Variants in SYNRG observed in about 807,000 individuals in gnomAD.
The protein encoded by SYNRG is synergin gamma.
In SYNRG, 37 loss-of-function variants were observed where a neutral mutation model predicts 130.9. The ratio of observed to expected loss-of-function variants is 0.28; its 90% CI spans 0.22 to 0.37. SYNRG has a LOEUF of 0.37. SYNRG is among the 10% of genes least tolerant of loss of function. The pLI is 1.00. For synonymous variants in SYNRG, 539 were observed against 568.1 expected (o/e 0.95, Z 0.73); for missense variants, 1,338 against 1,588.9 (o/e 0.84, Z 2.68).
At chr17:37,579,405 T>C in intron 6 of SYNRG, 1 of 1,304,202 alleles carries the variant, frequency 7.7e-7, no homozygotes, top group Non-Finnish European at 1.0e-6. Context: ...GGGGAGACAG[T>C]TTTAGTAGAA....
At chr17:37,527,115 G>C (rs948313550) in intron 19 of SYNRG, among the ~76,000 whole-genome samples, 1 of 152,198 alleles carries the variant, frequency 6.6e-6, no homozygotes, top group Non-Finnish European at 1.5e-5. Context: ...CACATTGAAA[G>C]GAAGTAGTAA....
At chr17:37,540,745 C>T in intron 15 of SYNRG, 5 of 732,462 alleles carry the variant, frequency 6.8e-6, no homozygotes, top group Non-Finnish European at 9.9e-6. Context: ...AGCAATTCTC[C>T]TGCCTCAGCC....
chr17:37,588,741 C>A (rs1202474005), intron 3 of SYNRG, among the ~76,000 whole-genome samples: 1 of 144,136 alleles, frequency 6.9e-6, no homozygotes, highest in Non-Finnish European at 1.5e-5. Flanking sequence ...TAGAATTATT[C>A]TTTTTTTTTT....
Position 37,542,560 on chromosome 17 carries a change from C to T in SYNRG, c.2614G>A (p.Glu872Lys). The T allele has an allele frequency of 1.2e-6, 2 of 1,607,162 alleles. No homozygotes were observed. The highest frequency in any genetic ancestry group is 1.7e-6 in the Non-Finnish European group (2 of 1,177,442). ...CCAAAAGCAGCATATTTTAAGTCCT[C>T]TATATCTGAAAGGGAAATAAGACCC... ...SGQHPPAADI[E>K]DLKYAAFGSY... is the part of the protein sequence containing the mutation. The change falls in exon 15 of 22, where the codon GAG (glutamate) becomes AAG (lysine). Residue 872 changes from glutamate to lysine, a missense_variant. By Grantham distance (56) the Glu-to-Lys change is moderately conservative. Coordinates refer to ENST00000612223, the MANE Select transcript of SYNRG (RefSeq NM_007247.6).
At position 37,517,922 on chromosome 17, in the gene SYNRG, C is replaced by T. The variant is rs549071719; in HGVS notation, c.*1018G>A. On this transcript the variant is annotated 3_prime_UTR_variant, in exon 22 of 22. Transcript: ENST00000612223. ...AGCCTTTTCTATCTAAAATTCAGTA[C>T]TGTTTCTGGACAATTTTCTTCTACT... The T allele has an allele frequency of 6.6e-6, 1 of 152,332 alleles. No homozygotes were observed. The highest frequency in any genetic ancestry group is 6.5e-5 in the Admixed American group (1 of 15,306). The allele number at this position is 152,332 out of a possible 1,614,324, so 9.4% of individuals were successfully genotyped here.
Position 37,536,005 on chromosome 17 carries a change from C to A in SYNRG, c.3640G>T (p.Gly1214Cys), listed in dbSNP as rs750538973. ...GTGAGTGTGGCGAGTGACATGAAGCCGATTAGGTTATTCCATACTTTATCG... is the reference window on the plus strand; with the variant it reads ...GTGAGTGTGGCGAGTGACATGAAGCAGATTAGGTTATTCCATACTTTATCG... ...DIDKVWNNLI[G>C]FMSLATLTPD... Residue 1214 changes from glycine (G) to cysteine (C), a missense_variant, in exon 19 of 22, where the codon GGC (glycine) becomes TGC (cysteine). Gly to Cys is a radical substitution (Grantham distance 159). Coordinates refer to ENST00000612223, the MANE Select transcript of SYNRG (RefSeq NM_007247.6). The A allele has an allele frequency of 6.2e-7, 1 of 1,613,910 alleles. No individual in the cohort carries two copies. The highest frequency in any genetic ancestry group is 8.5e-7 in the Non-Finnish European group (1 of 1,179,950).
At chr17:37,607,599 G>A (rs2063862294) in intron 1 of SYNRG, among the ~76,000 whole-genome samples, 1 of 152,152 alleles carries the variant, frequency 6.6e-6, no homozygotes, top group African/African-American at 2.4e-5. Flanking sequence ...GACCAGCCTG[G>A]CTAACATGGT....
chr17:37,593,528 G>A (rs2062396540), intron 3 of SYNRG, among the ~76,000 whole-genome samples: 1 of 152,114 alleles, frequency 6.6e-6, no homozygotes, highest in Admixed American at 6.6e-5. Flanking sequence ...GTCCCTGATT[G>A]GTTAGGGCTA....
chr17:37,577,680 C>G, intron 6 of SYNRG, 67 bp from the exon 7 acceptor site: 1 of 1,104,468 alleles, frequency 9.1e-7, no homozygotes, highest in Non-Finnish European at 1.3e-6. Context: ...AACCATCCAT[C>G]TCCACCCCCA....
chr17:37,595,124 T>A (rs2062639104), intron 3 of SYNRG, among the ~76,000 whole-genome samples: 1 of 152,216 alleles, frequency 6.6e-6, no homozygotes, highest in Non-Finnish European at 1.5e-5. Context: ...ATTAAAAACC[T>A]ACACAATTTC....
chr17:37,524,334 A>C (rs2055550602), intron 19 of SYNRG, among the ~76,000 whole-genome samples: 1 of 152,248 alleles, frequency 6.6e-6, no homozygotes, highest in Non-Finnish European at 1.5e-5. Context: ...TCTCCTTATA[A>C]AAATGTGTAG....
intron 18 of SYNRG, 149 bp from the exon 19 acceptor site, chr17:37,536,276 T>G: frequency 1.1e-6 from 1 of 937,792 alleles, no homozygotes. Flanking sequence ...ACCAATCCAC[T>G]TCTCAATGCT....
intron 14 of SYNRG, 105 bp from the exon 15 acceptor site, chr17:37,542,670 A>C: frequency 3.7e-6 from 3 of 806,988 alleles, no homozygotes; most frequent in South Asian, 2.1e-5. Flanking sequence ...GTTTTATACT[A>C]TGTTGAAATT....
intron 14 of SYNRG, among the ~76,000 whole-genome samples, chr17:37,544,304 GTT>G (rs767642773): frequency 7.1e-6 from 1 of 140,772 alleles, no homozygotes; most frequent in Non-Finnish European, 1.6e-5. Context: ...CAGGTGAAAA[GTT>G]TTTTTTTTTT....
chr17:37,532,682 A>AG (rs954139156), intron 19 of SYNRG, among the ~76,000 whole-genome samples: 7 of 151,790 alleles, frequency 4.6e-5, no homozygotes, highest in African/African-American at 1.7e-4. Flanking sequence ...AAAAAAAAAA[A>AG]AAAAAAAAAA....
chr17:37,560,535 T>C lies in SYNRG; in HGVS notation c.1663+660A>G, dbSNP rs556658531. ...TGTATTTTTAGTAGCGATGGGGTCT[T>C]ACCATGTTGGCCAGGCTTGTCTGGA... On this transcript the variant is annotated intron_variant, in intron 13 of 21. Coordinates refer to ENST00000612223, the MANE Select transcript of SYNRG (RefSeq NM_007247.6). 2.0e-5 allele frequency among the ~76,000 whole-genome samples: 3 copies of C among 150,538 alleles called. No homozygotes were observed. In the East Asian group the frequency reaches 6.0e-4, roughly 30 times the overall value.
At chr17:37,540,308 C>T (rs1276795258) in intron 16 of SYNRG, 72 bp downstream of exon 16, 2 of 1,545,218 alleles carry the variant, frequency 1.3e-6, no homozygotes, top group Non-Finnish European at 1.8e-6. Context: ...TGAAAGCTGA[C>T]AGCATTCTTT....
chr17:37,532,326 C>T (rs2056712883), intron 19 of SYNRG, among the ~76,000 whole-genome samples: 1 of 152,210 alleles, frequency 6.6e-6, no homozygotes, highest in African/African-American at 2.4e-5. Flanking sequence ...CATTTTACCA[C>T]ATCAACACTA....
chr17:37,527,363 C>T (rs1751830738), intron 19 of SYNRG, among the ~76,000 whole-genome samples: 1 of 152,216 alleles, frequency 6.6e-6, no homozygotes, highest in Admixed American at 6.5e-5. Context: ...GAGTGCATCA[C>T]ATCTCACTAA....
Sources: allele counts gnomAD v4.1 joint callset (sites outside exome capture counted in the v4.1 genomes callset), GRCh38; gene constraint gnomAD v4.1.1; transcripts MANE v1.5; gene names NCBI Gene and HGNC (gene_info 2026-07-23, HGNC 2026-07-21).